The following GPC6 variants were observed in gnomAD, a reference collection of about 807,000 sequenced individuals.
GPC6 encodes the protein glypican-6.
In GPC6, 14 loss-of-function variants were observed where a neutral mutation model predicts 55.2. The ratio of observed to expected loss-of-function variants is 0.25; its 90% CI spans 0.17 to 0.40. The LOEUF (loss-of-function observed/expected upper bound fraction) is 0.40. Ranked by LOEUF, GPC6 falls within the 10% of genes least tolerant of loss-of-function variation. The pLI is 1.00. For missense variants in GPC6, 641 were observed against 708.5 expected (o/e 0.90, Z 1.08); for synonymous variants, 278 against 259.6 (o/e 1.07, Z -0.68).
At chr13:93,894,743 G>A (rs73553721) in intron 3 of GPC6, among the ~76,000 whole-genome samples, 8,367 of 151,984 alleles carry the variant, frequency 0.055, 361 homozygotes, top group African/African-American at 0.12. Flanking sequence ...TCATAGGTTG[G>A]GAAAGGAAAA....
chr13:93,574,809 A>G (rs1210291387), intron 2 of GPC6, among the ~76,000 whole-genome samples: 2 of 152,166 alleles, frequency 1.3e-5, no homozygotes, highest in African/African-American at 4.8e-5. Flanking sequence ...ATTTCATATA[A>G]ATAGAATTAT....
At chr13:94,199,907 A>G (rs1329961196) in intron 4 of GPC6, among the ~76,000 whole-genome samples, 1 of 152,148 alleles carries the variant, frequency 6.6e-6, no homozygotes, top group African/African-American at 2.4e-5. Context: ...CTGTAATCCC[A>G]GTACTTTGGG....
chr13:93,543,917 G>A (rs1359534486), intron 1 of GPC6, among the ~76,000 whole-genome samples: 3 of 151,960 alleles, frequency 2.0e-5, no homozygotes, highest in South Asian at 2.1e-4. Flanking sequence ...CATAGTTTAC[G>A]TTCCCACTGA....
chr13:93,705,975 C>T (rs1213641407), intron 2 of GPC6, among the ~76,000 whole-genome samples: 1 of 151,590 alleles, frequency 6.6e-6, no homozygotes, highest in South Asian at 2.1e-4. Flanking sequence ...TCCATGATAA[C>T]CAAGCAGAAT....
Position 93,786,077 on chromosome 13 carries a change from G to T in GPC6, c.320-44077G>T, listed in dbSNP as rs558263197. On this transcript the variant is annotated intron_variant, in intron 2 of 8. Transcript: ENST00000377047. ...TTTTAGGAAAGTCTAGAGTTCTCAG[G>T]TGACTTAAGGCCTCCTTGGTCAGTG... Among the ~76,000 whole-genome samples, 4 of 152,274 alleles carry T rather than the reference G, an allele frequency of 2.6e-5. No homozygotes were observed. In the East Asian group the frequency reaches 7.7e-4, roughly 29 times the overall value.
intron 3 of GPC6, among the ~76,000 whole-genome samples, chr13:93,990,445 A>C (rs1163587634): frequency 6.6e-6 from 1 of 152,118 alleles, no homozygotes; most frequent in Non-Finnish European, 1.5e-5. Context: ...ATGAGGATAA[A>C]ATGTACAGTT....
At chr13:94,377,534 A>G in intron 6 of GPC6, among the ~76,000 whole-genome samples, 1 of 149,592 alleles carries the variant, frequency 6.7e-6, no homozygotes, top group African/African-American at 2.5e-5. Context: ...ATCATTAAAA[A>G]GTCAGGAAAC....
At chr13:94,154,248 C>G (rs1887847713) in intron 4 of GPC6, 1 of 115,936 alleles carries the variant, frequency 8.6e-6, no homozygotes, top group African/African-American at 3.1e-5. Flanking sequence ...TACAGCTACT[C>G]TGCTCTTCAG....
intron 1 of GPC6, among the ~76,000 whole-genome samples, chr13:93,511,686 G>A (rs1004331736): frequency 3.9e-5 from 6 of 152,006 alleles, no homozygotes; most frequent in South Asian, 2.1e-4. Context: ...TTTTAGGATC[G>A]TTTTTTCTAA....
At chr13:94,374,286 C>T (rs998255892) in intron 6 of GPC6, among the ~76,000 whole-genome samples, 9 of 151,696 alleles carry the variant, frequency 5.9e-5, no homozygotes, top group African/African-American at 1.7e-4. Context: ...GATGAAGAGT[C>T]AAGACCCATC....
intron 1 of GPC6, among the ~76,000 whole-genome samples, chr13:93,312,487 A>G (rs371473714): frequency 1.1e-4 from 16 of 152,178 alleles, no homozygotes; most frequent in Non-Finnish European, 5.9e-5. Flanking sequence ...TTACAACCTG[A>G]TGGCTTAATC....
chr13:94,386,204 C>CA (rs1461474624), intron 7 of GPC6, among the ~76,000 whole-genome samples: 6 of 151,702 alleles, frequency 4.0e-5, no homozygotes, highest in Admixed American at 2.0e-4. Flanking sequence ...CTAAAAAATA[C>CA]AAAAAATTAG....
At chr13:93,356,359 C>G (rs1233098270) in intron 1 of GPC6, among the ~76,000 whole-genome samples, 1 of 152,140 alleles carries the variant, frequency 6.6e-6, no homozygotes, top group East Asian at 1.9e-4. Context: ...AGCAAGAGCT[C>G]TGTTGAAAAC....
intron 4 of GPC6, among the ~76,000 whole-genome samples, chr13:94,176,067 A>G (rs1034772845): frequency 5.9e-5 from 9 of 151,528 alleles, no homozygotes; most frequent in African/African-American, 2.2e-4. Context: ...TGATTTGCAG[A>G]GGTTCTTTAT....
Position 93,311,758 on chromosome 13 carries a change from A to T in GPC6, c.160+84142A>T, listed in dbSNP as rs116875511. 3.4e-3 allele frequency among the ~76,000 whole-genome samples: 521 copies of T among 152,224 alleles called. 20 individuals carry two copies. In the East Asian group the frequency reaches 0.092, roughly 27 times the overall value. On this transcript the variant is annotated intron_variant, in intron 1 of 8. Coordinates refer to ENST00000377047, the MANE Select transcript of GPC6 (RefSeq NM_005708.5). The stretch of plus-strand genomic sequence containing the variant: ...TTTTCTGTCCTGCACTATACTCTGG[A>T]TTGGTAAAAAGGTAGTGGTGGAAGC...
chr13:93,439,718 A>ATAAAC (rs1877716863), intron 1 of GPC6, among the ~76,000 whole-genome samples: 1 of 151,818 alleles, frequency 6.6e-6, no homozygotes, highest in African/African-American at 2.4e-5. Context: ...ATAAAATAAA[A>ATAAAC]TAAAACACCA....
At chr13:93,597,394 G>A (rs1269265115) in intron 2 of GPC6, among the ~76,000 whole-genome samples, 2 of 152,192 alleles carry the variant, frequency 1.3e-5, no homozygotes, top group Admixed American at 1.3e-4. Flanking sequence ...CACTGTAAAT[G>A]TCATAATACA....
At chr13:94,253,407 T>C (rs1003766537) in intron 4 of GPC6, among the ~76,000 whole-genome samples, 1 of 152,138 alleles carries the variant, frequency 6.6e-6, no homozygotes, top group African/African-American at 2.4e-5. Flanking sequence ...CCTGTAATAA[T>C]ACTGCGTTTA....
At chr13:93,583,353 T>C (rs866602683) in intron 2 of GPC6, among the ~76,000 whole-genome samples, 34 of 151,062 alleles carry the variant, frequency 2.3e-4, no homozygotes, top group South Asian at 1.0e-3. Context: ...TGTGTGTGTG[T>C]GCGCGCGCGC....
Sources: allele counts gnomAD v4.1 joint callset (sites outside exome capture counted in the v4.1 genomes callset), GRCh38; gene constraint gnomAD v4.1.1; transcripts MANE v1.5; gene names NCBI Gene and HGNC (gene_info 2026-07-23, HGNC 2026-07-21).